The following DPP10 variants were observed in gnomAD, a reference collection of about 807,000 sequenced individuals.
DPP10 encodes the protein inactive dipeptidyl peptidase 10.
A neutral mutation model predicts 120.9 loss-of-function variants in DPP10; 33 were observed. The ratio of observed to expected loss-of-function variants is 0.27; its 90% confidence interval spans 0.21 to 0.37. The LOEUF (loss-of-function observed/expected upper bound fraction) is 0.37. Among genes scored for constraint, DPP10 ranks in the 10% least tolerant of loss-of-function variants. DPP10 has a pLI of 1.00. For synonymous variants in DPP10, 337 were observed against 326.1 expected, an observed-to-expected ratio of 1.03 and a Z score of -0.36; for missense variants, 816 against 942.8, an observed-to-expected ratio of 0.87 and a Z score of 1.76.
chr2:114,686,636 TG>T (rs761760097), intron 1 of DPP10, among the ~76,000 whole-genome samples: 2 of 151,926 alleles, frequency 1.3e-5, no homozygotes, highest in Non-Finnish European at 2.9e-5. Context: ...GCTTAAGTTA[TG>T]TGGCTAACAT....
chr2:115,371,271 T>C (rs1574591551), intron 3 of DPP10, among the ~76,000 whole-genome samples: 1 of 152,168 alleles, frequency 6.6e-6, no homozygotes, highest in African/African-American at 2.4e-5. Context: ...TGCTTATGCT[T>C]CTCAAATTGC....
intron 1 of DPP10, among the ~76,000 whole-genome samples, chr2:115,303,732 T>C (rs13012355): frequency 1.3e-5 from 2 of 151,970 alleles, no homozygotes; most frequent in Admixed American, 6.6e-5. Context: ...TGGGAACAGG[T>C]CTTATTTTAA....
chr2:115,709,773 A>G (rs185901106), intron 7 of DPP10, among the ~76,000 whole-genome samples: 1 of 152,098 alleles, frequency 6.6e-6, no homozygotes, highest in African/African-American at 2.4e-5. Context: ...CAAACAAAAA[A>G]CAGACCCCTA....
chr2:115,559,145 A>G (rs1043353051), intron 5 of DPP10, among the ~76,000 whole-genome samples: 67 of 152,266 alleles, frequency 4.4e-4, no homozygotes, highest in African/African-American at 1.5e-3. Context: ...TATATATACT[A>G]TTTCTTGAAA....
At chr2:115,735,748 G>C (rs890541079) in intron 8 of DPP10, among the ~76,000 whole-genome samples, 1 of 139,204 alleles carries the variant, frequency 7.2e-6, no homozygotes, top group Middle Eastern at 4.0e-3. Context: ...GGCCAGGCTG[G>C]TCTCTAACCC....
chr2:115,103,430 C>T (rs1030952878), intron 1 of DPP10, among the ~76,000 whole-genome samples: 7 of 152,106 alleles, frequency 4.6e-5, no homozygotes, highest in African/African-American at 1.7e-4. Flanking sequence ...CCTCGGGATC[C>T]GCCTGCCTCA....
At chr2:115,802,340 C>G (rs550341491) in intron 19 of DPP10, among the ~76,000 whole-genome samples, 2,776 of 151,948 alleles carry the variant, frequency 0.018, 87 homozygotes, top group African/African-American at 0.061. Context: ...CATTAGTCTT[C>G]CTAGCGGTCT....
intron 1 of DPP10, chr2:114,833,242 G>C (rs1015242531): frequency 1.8e-4 from 27 of 151,112 alleles, no homozygotes; most frequent in African/African-American, 6.1e-4. Flanking sequence ...AATTTATGAT[G>C]TAAGAGTTGT....
At chr2:114,468,104 T>A (rs10496464) in intron 1 of DPP10, among the ~76,000 whole-genome samples, 18,796 of 152,082 alleles carry the variant, frequency 0.12, 2,738 homozygotes, top group African/African-American at 0.35. Flanking sequence ...GCTGGTAGGG[T>A]CTTTACACAT....
chr2:115,700,921 A>T (rs144889278), intron 7 of DPP10, among the ~76,000 whole-genome samples: 1 of 152,110 alleles, frequency 6.6e-6, no homozygotes, highest in African/African-American at 2.4e-5. Context: ...ACTAAAAAAT[A>T]TGTCTGAAAA....
At chr2:115,653,024 A>G (rs983669759) in intron 5 of DPP10, among the ~76,000 whole-genome samples, 5 of 151,256 alleles carry the variant, frequency 3.3e-5, no homozygotes, top group Admixed American at 3.3e-4. Context: ...TATATTTTAC[A>G]GAGACACAGG....
At chr2:115,018,668 A>C (rs894134479) in intron 1 of DPP10, among the ~76,000 whole-genome samples, 2 of 152,098 alleles carry the variant, frequency 1.3e-5, no homozygotes, top group African/African-American at 4.8e-5. Context: ...CAACAAGAAC[A>C]CACGGACACA....
At chr2:115,215,265 T>G (rs559015024) in intron 1 of DPP10, among the ~76,000 whole-genome samples, 1 of 152,176 alleles carries the variant, frequency 6.6e-6, no homozygotes, top group Non-Finnish European at 1.5e-5. Context: ...GAAATATCTT[T>G]GTTTGTTTTT....
chr2:115,286,961 C>T (rs950197377), intron 1 of DPP10, among the ~76,000 whole-genome samples: 4 of 151,976 alleles, frequency 2.6e-5, no homozygotes, highest in Non-Finnish European at 5.9e-5. Flanking sequence ...AAAGATCTCT[C>T]TGTGAAAGCT....
intron 1 of DPP10, among the ~76,000 whole-genome samples, chr2:115,137,372 G>C (rs2050699441): frequency 6.6e-6 from 1 of 152,222 alleles, no homozygotes. Flanking sequence ...ACAGCAATGG[G>C]TGTAACCTTG....
At chr2:115,388,282 T>G (rs2067093127) in intron 3 of DPP10, among the ~76,000 whole-genome samples, 1 of 152,198 alleles carries the variant, frequency 6.6e-6, no homozygotes. Flanking sequence ...GCCATGTTAT[T>G]TAAAGGCTTT....
chr2:115,823,376 T>TTGGG (rs1687998731), intron 21 of DPP10, among the ~76,000 whole-genome samples: 1 of 152,172 alleles, frequency 6.6e-6, no homozygotes, highest in Non-Finnish European at 1.5e-5. Context: ...AATTAAAACA[T>TTGGG]CTCACCAATC....
At chr2:114,534,689 T>C (rs1355541186) in intron 1 of DPP10, among the ~76,000 whole-genome samples, 1 of 148,138 alleles carries the variant, frequency 6.8e-6, no homozygotes, top group East Asian at 2.0e-4. Flanking sequence ...CCTAGAAACC[T>C]TCTGTTTTGC....
At position 115,842,346 on chromosome 2, in the gene DPP10, T is replaced by G; in HGVS notation, c.*1T>G. On this transcript the variant is annotated 3_prime_UTR_variant, in exon 26 of 26. Coordinates refer to ENST00000410059, the MANE Select transcript of DPP10 (RefSeq NM_020868.6). ...ACAGGAACCAGAAGAAGATGAATAA[T>G]GGACTGTATTTATACAGAACTGAAG... 6.2e-7 allele frequency: 1 copy of G among 1,613,558 alleles called. No individual in the cohort carries two copies. The highest frequency in any genetic ancestry group is 8.5e-7 in the Non-Finnish European group (1 of 1,179,730).
Sources: allele counts gnomAD v4.1 joint callset (sites outside exome capture counted in the v4.1 genomes callset), GRCh38; gene constraint gnomAD v4.1.1; transcripts MANE v1.5; gene names NCBI Gene and HGNC (gene_info 2026-07-23, HGNC 2026-07-21).